Variants in STX6 observed in about 807,000 individuals in gnomAD.
The protein encoded by STX6 is syntaxin-6.
Under a neutral mutation model 38.0 loss-of-function variants are expected in STX6, and 23 were observed. The ratio of observed to expected loss-of-function variants is 0.60; its 90% CI spans 0.43 to 0.86. STX6 has a LOEUF of 0.86. Among genes scored for constraint, STX6 ranks in the 40% least tolerant of loss-of-function variants. STX6 has a pLI of 0.00. For missense variants in STX6, 274 were observed against 312.9 expected (o/e 0.88, Z 0.94); for synonymous variants, 123 against 107.5 (o/e 1.14, Z -0.89).
At chr1:180,980,349 C>CA (rs1655371777) in intron 7 of STX6, among the ~76,000 whole-genome samples, 1 of 151,488 alleles carries the variant, frequency 6.6e-6, no homozygotes, top group Non-Finnish European at 1.5e-5. Context: ...CAAACAGTGA[C>CA]AACACCATAT....
At chr1:181,018,410 A>AAAAAG (rs1558101773) in intron 1 of STX6, among the ~76,000 whole-genome samples, 2 of 148,498 alleles carry the variant, frequency 1.3e-5, no homozygotes, top group African/African-American at 4.9e-5. Flanking sequence ...AAAAAAAAAA[A>AAAAAG]AAAAGAAAAG....
In STX6 at chr1:180,975,099, A is replaced by ACAAAAAGG. The variant is rs1655211745; in HGVS notation, c.*1463_*1470dup. The stretch of plus-strand genomic sequence containing the variant: ...CCACATGAAATACAAACAAAACAAA[A>ACAAAAAGG]CAAAAAGGTTTAAAAAAAAAGTGTG... On this transcript the variant is annotated 3_prime_UTR_variant, in exon 8 of 8. Transcript: ENST00000258301. 6.6e-6 allele frequency: 1 copy of ACAAAAAGG among 152,572 alleles called. No individual in the cohort carries two copies. The highest frequency in any genetic ancestry group is 6.5e-5 in the Admixed American group (1 of 15,286). The allele number at this position is 152,572 out of a possible 1,614,324, so 9.5% of individuals were successfully genotyped here.
In STX6 at chr1:180,973,564, G is replaced by C. The variant is rs1655176333; in HGVS notation, c.*3006C>G. The stretch of plus-strand genomic sequence containing the variant: ...AGACCCATCAGTCTGTTTAACTCTG[G>C]CTAAAAGCAGAGAATAATGGGCAAG... On this transcript the variant is annotated 3_prime_UTR_variant, in exon 8 of 8. Transcript: ENST00000258301. The C allele has an allele frequency of 6.6e-6, 1 of 152,598 alleles. No individual in the cohort carries two copies. The highest frequency in any genetic ancestry group is 1.5e-5 in the Non-Finnish European group (1 of 68,040). 9.5% of individuals were successfully genotyped at this position (152,598 alleles called of 1,614,324 possible).
intron 4 of STX6, among the ~76,000 whole-genome samples, chr1:180,992,650 CAA>C (rs976668664): frequency 6.6e-6 from 1 of 151,982 alleles, no homozygotes; most frequent in Admixed American, 6.5e-5. Context: ...TCTATCCCAC[CAA>C]AAAAAGTCTA....
intron 1 of STX6, among the ~76,000 whole-genome samples, chr1:181,013,718 G>A (rs905273569): frequency 1.5e-4 from 23 of 152,210 alleles, no homozygotes; most frequent in Admixed American, 1.2e-3. Context: ...CATGGAGTCT[G>A]TAGATCAGGA....
intron 7 of STX6, among the ~76,000 whole-genome samples, chr1:180,983,645 T>A (rs960563093): frequency 6.6e-6 from 1 of 152,206 alleles, no homozygotes; most frequent in Non-Finnish European, 1.5e-5. Flanking sequence ...TATTTTTCTA[T>A]CAATGAAAGA....
intron 3 of STX6, among the ~76,000 whole-genome samples, chr1:180,996,794 A>T (rs931628857): frequency 6.6e-6 from 1 of 152,188 alleles, no homozygotes; most frequent in Non-Finnish European, 1.5e-5. Flanking sequence ...GCTGGTCTTG[A>T]ACTCCTGAAT....
At chr1:181,015,084 T>C (rs1458154577) in intron 1 of STX6, among the ~76,000 whole-genome samples, 2 of 152,220 alleles carry the variant, frequency 1.3e-5, no homozygotes, top group Non-Finnish European at 2.9e-5. Context: ...TCTAGTTTTC[T>C]ACCAGTTTTC....
At chr1:180,976,718 T>G in intron 7 of STX6, 72 bp from the exon 8 acceptor site, 1 of 1,442,078 alleles carries the variant, frequency 6.9e-7, no homozygotes, top group Non-Finnish European at 9.7e-7. Flanking sequence ...ATATGGAATT[T>G]ATGGCACCCT....
At chr1:180,993,255 A>G in intron 4 of STX6, 108 bp downstream of exon 4, 1 of 705,548 alleles carries the variant, frequency 1.4e-6, no homozygotes, top group Middle Eastern at 2.4e-4. Context: ...CTGCAAGCAG[A>G]AGTCTTCCTC....
intron 6 of STX6, among the ~76,000 whole-genome samples, chr1:180,986,164 T>C (rs1341850541): frequency 6.6e-6 from 1 of 152,230 alleles, no homozygotes; most frequent in Non-Finnish European, 1.5e-5. Flanking sequence ...CTTCAGTCCA[T>C]GGACACTCAC....
rs138129466 is a variant in STX6, at chr1:181,018,709, C to G, written c.35+3930G>C. Among the ~76,000 whole-genome samples, 482 of 152,288 alleles carry G rather than the reference C, an allele frequency of 3.2e-3. 5 individuals carry two copies. The highest frequency in any genetic ancestry group is 0.011 in the African/African-American group (459 of 41,550). On this transcript the variant is annotated intron_variant, in intron 1 of 7. Coordinates refer to ENST00000258301, the MANE Select transcript of STX6 (RefSeq NM_005819.6). Reference sequence around the variant, plus strand: ...GGAGCTTCAAACTTCCAAGCACTAACCACTGCATGTATAAGTTACAACAGC... The same window carrying G: ...GGAGCTTCAAACTTCCAAGCACTAAGCACTGCATGTATAAGTTACAACAGC...
At chr1:180,994,773 T>C (rs990800251) in intron 3 of STX6, among the ~76,000 whole-genome samples, 11 of 152,148 alleles carry the variant, frequency 7.2e-5, no homozygotes, top group East Asian at 1.9e-4. Flanking sequence ...AGGGTGACTA[T>C]AGTTCAACAA....
At chr1:181,012,747 T>G (rs1461382843) in intron 1 of STX6, among the ~76,000 whole-genome samples, 1 of 146,142 alleles carries the variant, frequency 6.8e-6, no homozygotes, top group Admixed American at 7.1e-5. Context: ...CAATCTCAGC[T>G]CACCACAACC....
intron 2 of STX6, 173 bp downstream of exon 2, chr1:181,005,121 C>G (rs989871825): frequency 1.3e-6 from 1 of 777,716 alleles, no homozygotes. Flanking sequence ...AAGAATTTGG[C>G]TACTGTACCT....
chr1:180,989,870 A>G lies in STX6; in HGVS notation c.489+114T>C, dbSNP rs531222154. On this transcript the variant is annotated intron_variant, in intron 5 of 7. Transcript: ENST00000258301. ...TATTAAACACAATCAACACAGGACAAGCTCTGGCTTACCCTCCTTGTCACT... is the reference window on the plus strand; with the variant it reads ...TATTAAACACAATCAACACAGGACAGGCTCTGGCTTACCCTCCTTGTCACT... 58 of 1,267,646 alleles carry G rather than the reference A, an allele frequency of 4.6e-5. No individual in the cohort carries two copies. The African/African-American group carries it at 8.5e-4, about 19-fold the overall frequency. 78.5% of individuals were successfully genotyped at this position (1,267,646 alleles called of 1,614,324 possible). A position where few individuals can be genotyped will look rare whatever the true frequency, so the allele number is the denominator to read the frequency against.
At chr1:181,006,059 T>G (rs1298490454) in intron 1 of STX6, among the ~76,000 whole-genome samples, 1 of 152,040 alleles carries the variant, frequency 6.6e-6, no homozygotes, top group East Asian at 1.9e-4. Flanking sequence ...ACCAGATTAG[T>G]GTTTGTTTTT....
intron 3 of STX6, among the ~76,000 whole-genome samples, chr1:181,002,176 A>G (rs1656100037): frequency 6.6e-6 from 1 of 151,862 alleles, no homozygotes; most frequent in African/African-American, 2.4e-5. Flanking sequence ...TTTTTCTTCA[A>G]TCACGGAAAT....
At chr1:180,979,621 C>G (rs1404281741) in intron 7 of STX6, among the ~76,000 whole-genome samples, 4 of 152,150 alleles carry the variant, frequency 2.6e-5, no homozygotes, top group Non-Finnish European at 5.9e-5. Context: ...ACCTAGATGA[C>G]CTTGGGTATG....
Sources: gnomAD v4.1 joint callset for allele counts (sites outside exome capture counted in the v4.1 genomes callset) on GRCh38, gnomAD v4.1.1 for gene constraint, MANE v1.5 for transcripts, NCBI Gene and HGNC (gene_info 2026-07-23, HGNC 2026-07-21) for gene names.